The following ZNF730 variants were observed in gnomAD, a reference collection of about 807,000 sequenced individuals.
The protein encoded by ZNF730 is zinc finger protein 730.
In ZNF730, 12 loss-of-function variants were observed where a neutral mutation model predicts 12.6. The observed-to-expected ratio is 0.95, with a 90% CI of 0.61 to 1.54. The LOEUF (loss-of-function observed/expected upper bound fraction) is 1.54, where lower values mean the gene tolerates loss of function less well. ZNF730 is among the 40% of genes most tolerant of loss of function. The pLI, the probability that ZNF730 is intolerant of heterozygous loss-of-function variation, is 0.00. For missense variants in ZNF730, 643 were observed against 583.5 expected, an observed-to-expected ratio of 1.10 and a Z score of -1.05; for synonymous variants, 194 against 195.8, an observed-to-expected ratio of 0.99 and a Z score of 0.08.
rs560843751 is a variant in ZNF730 at position 23,086,308 on chromosome 19, TA to T, written c.-94+10923del. Among the ~76,000 whole-genome samples the T allele has an allele frequency of 2.6e-3, 402 of 152,344 alleles. 2 individuals are homozygous for T. The highest frequency in any genetic ancestry group is 3.7e-3 in the Non-Finnish European group (249 of 68,030). On this transcript the variant is annotated intron_variant, in intron 1 of 2. Transcript: ENST00000593635. Reference sequence around the variant, plus strand: ...TTTGCTTTGCAGAAGCTCTTTAGTTTAATTAGATTTTACTTATTTATTTATT... The same window carrying T: ...TTTGCTTTGCAGAAGCTCTTTAGTTTATTAGATTTTACTTATTTATTTATT...
chr19:23,084,229 G>C (rs957935001), intron 1 of ZNF730, among the ~76,000 whole-genome samples: 9 of 152,066 alleles, frequency 5.9e-5, no homozygotes, highest in Non-Finnish European at 1.2e-4. Context: ...GTTGGCTTTA[G>C]GTGCATAGAT....
intron 1 of ZNF730, among the ~76,000 whole-genome samples, chr19:23,083,410 C>T (rs1970000783): frequency 6.6e-6 from 1 of 152,104 alleles, no homozygotes; most frequent in Middle Eastern, 3.4e-3. Context: ...AGGGACACAG[C>T]GAGACTCCAT....
In ZNF730 at chr19:23,117,184, T is replaced by C; in HGVS notation, c.3+8T>C. On this transcript the variant is annotated splice_region_variant and intron_variant, in intron 1 of 3. Coordinates refer to ENST00000597761, the MANE Select transcript of ZNF730 (RefSeq NM_001277403.2). ...CCTGGAAGCCTAGAAATGGTGAGAG[T>C]GCCGGTCCGACATCCCGAGAGAGGG... 3.7e-6 allele frequency: 6 copies of C among 1,613,534 alleles called. No individual in the cohort carries two copies. Among genetic ancestry groups the C allele is most frequent in the South Asian group, 1.1e-5 (1 of 91,046 alleles).
At position 23,095,330 on chromosome 19, in the gene ZNF730, A is replaced by G. The variant is rs75719605; in HGVS notation, c.-94+19943A>G. Reference sequence around the variant, plus strand: ...TGACTCTCCTGCGTGTGCCCTGTCCATGTGGGCCATTGTGACATATTGCTG... The same window carrying G: ...TGACTCTCCTGCGTGTGCCCTGTCCGTGTGGGCCATTGTGACATATTGCTG... On this transcript the variant is annotated intron_variant, in intron 1 of 2. Transcript: ENST00000593635. The G allele has an allele frequency of 8.3e-3, 3,326 of 398,568 alleles. 75 individuals are homozygous for G. The highest frequency in any genetic ancestry group is 0.058 in the African/African-American group (2,830 of 48,712). The allele number at this position is 398,568 out of a possible 1,614,324, so 24.7% of individuals were successfully genotyped here.
intron 1 of ZNF730, among the ~76,000 whole-genome samples, chr19:23,087,293 A>C (rs1970079554): frequency 6.6e-6 from 1 of 152,146 alleles, no homozygotes; most frequent in Admixed American, 6.6e-5. Context: ...CTGTAATCCC[A>C]GGTACTCAGA....
intron 1 of ZNF730, among the ~76,000 whole-genome samples, chr19:23,118,439 T>C (rs1970560277): frequency 1.3e-5 from 2 of 152,018 alleles, no homozygotes; most frequent in Admixed American, 6.6e-5. Flanking sequence ...TTCCTGGTCC[T>C]GGTTTTCAGT....
intron 1 of ZNF730, among the ~76,000 whole-genome samples, chr19:23,092,113 G>T (rs547323099): frequency 6.6e-6 from 1 of 152,250 alleles, no homozygotes; most frequent in South Asian, 2.1e-4. Context: ...GATCTGATGG[G>T]CTTATCAGGG....
In ZNF730 at chr19:23,145,931, C is replaced by G. The variant is rs112801464; in HGVS notation, c.887C>G (p.Ser296Cys). 1 of 1,608,908 alleles carries G rather than the reference C, an allele frequency of 6.2e-7. No homozygotes were observed. The highest frequency in any genetic ancestry group is 8.5e-7 in the Non-Finnish European group (1 of 1,179,018). The part of the protein sequence containing the change: ...CEECGKAFNQ[S>C]SNLTEHKKIH... ...GAATGTGGCAAAGCCTTTAACCAGT[C>G]CTCAAACCTTACTGAACATAAGAAA... The change falls in exon 4 of 4, where the codon TCC (serine) becomes TGC (cysteine). Residue 296 changes from serine to cysteine, a missense_variant. Transcript: ENST00000597761.
chr19:23,119,877 G>A (rs778099853), intron 1 of ZNF730, among the ~76,000 whole-genome samples: 1 of 151,932 alleles, frequency 6.6e-6, no homozygotes, highest in Non-Finnish European at 1.5e-5. Context: ...AGTTGGGGAG[G>A]AGTCCCTTCT....
chr19:23,077,562 C>T (rs1280684658), intron 1 of ZNF730, among the ~76,000 whole-genome samples: 1 of 150,828 alleles, frequency 6.6e-6, no homozygotes, highest in African/African-American at 2.4e-5. Context: ...CTTAGCCTCC[C>T]GAGTAGCTGG....
At position 23,136,037 on chromosome 19, in the gene ZNF730, C is replaced by A. The variant is rs1415302942; in HGVS notation, c.220C>A (p.Pro74Thr). 6.3e-7 allele frequency: 1 copy of A among 1,595,926 alleles called. No homozygotes were observed. Among genetic ancestry groups the A allele is most frequent in the Admixed American group, 1.7e-5 (1 of 58,128 alleles). Reference protein sequence around the residue: ...NLKTHDMVAKPPVICSHIAQD... With the variant: ...NLKTHDMVAKTPVICSHIAQD... ...GAAGACACATGATATGGTAGCCAAA[C>A]CCCCAGGTAGGTGACAGTAAATACA... The change falls in exon 3 of 4, where the codon CCC (proline) becomes ACC (threonine). Residue 74 changes from proline (P) to threonine (T), a missense_variant. Pro to Thr is a conservative substitution (Grantham distance 38). Transcript: ENST00000597761.
chr19:23,114,616 G>T (rs955379992), upstream of ZNF730, among the ~76,000 whole-genome samples: 10 of 152,036 alleles, frequency 6.6e-5, no homozygotes, highest in Non-Finnish European at 1.5e-4. Flanking sequence ...CCTCCCAAGT[G>T]CTGGGATTAC....
intron 1 of ZNF730, among the ~76,000 whole-genome samples, chr19:23,094,503 A>G (rs757885606): frequency 6.7e-6 from 1 of 149,050 alleles, no homozygotes; most frequent in Admixed American, 6.7e-5. Flanking sequence ...TTATTTTGAG[A>G]TGGAATTTCA....
At position 23,146,054 on chromosome 19, in the gene ZNF730, A is replaced by G. The variant is rs772867979; in HGVS notation, c.1010A>G (p.Glu337Gly). ...AAACATAAAAGAATTCATAATGGAG[A>G]AAAACCCTACAAATGTGAAGAATGT... The part of the protein sequence containing the change: ...LTKHKRIHNG[E>G]KPYKCEECGK... Residue 337 changes from glutamate (E) to glycine (G), a missense_variant, in exon 4 of 4, where the codon GAA becomes GGA. Coordinates refer to ENST00000597761, the MANE Select transcript of ZNF730 (RefSeq NM_001277403.2). 1.2e-6 allele frequency: 2 copies of G among 1,612,008 alleles called. No individual in the cohort carries two copies. The highest frequency in any genetic ancestry group is 1.7e-6 in the Non-Finnish European group (2 of 1,179,426).
At chr19:23,132,652 A>G (rs1970759138) in intron 1 of ZNF730, among the ~76,000 whole-genome samples, 1 of 152,176 alleles carries the variant, frequency 6.6e-6, no homozygotes, top group Admixed American at 6.5e-5. Flanking sequence ...CTATTGGGGA[A>G]ACGCCAGGGT....
intron 3 of ZNF730, among the ~76,000 whole-genome samples, chr19:23,136,267 T>C (rs577116145): frequency 6.6e-6 from 1 of 152,346 alleles, no homozygotes; most frequent in Non-Finnish European, 1.5e-5. Flanking sequence ...CCTTTGGTAA[T>C]CTTACTTTAC....
At chr19:23,137,153 G>C in intron 3 of ZNF730, among the ~76,000 whole-genome samples, 1 of 152,188 alleles carries the variant, frequency 6.6e-6, no homozygotes, top group East Asian at 1.9e-4. Flanking sequence ...CAGGGCAAGA[G>C]AGTGAGACTC....
chr19:23,105,735 C>T (rs1368459349), intron 1 of ZNF730, among the ~76,000 whole-genome samples: 1 of 152,130 alleles, frequency 6.6e-6, no homozygotes, highest in African/African-American at 2.4e-5. Flanking sequence ...GAAATGCAAA[C>T]CTTTTTGTGG....
chr19:23,141,977 C>A (rs975690746), intron 3 of ZNF730, among the ~76,000 whole-genome samples: 4 of 151,750 alleles, frequency 2.6e-5, no homozygotes, highest in Non-Finnish European at 5.9e-5. Context: ...CTATGTGTTT[C>A]TTTTATTCTG....
Sources: gnomAD v4.1 joint callset for allele counts (sites outside exome capture counted in the v4.1 genomes callset) on GRCh38, gnomAD v4.1.1 for gene constraint, MANE v1.5 for transcripts, NCBI Gene and HGNC (gene_info 2026-07-23, HGNC 2026-07-21) for gene names.